MYCT1: variants seen among roughly 807,000 people sequenced by gnomAD.
MYCT1 encodes the protein myc target protein 1.
Under a neutral mutation model 15.0 loss-of-function variants are expected in MYCT1, and 12 were observed. That is an observed-to-expected ratio of 0.80 (90% CI 0.51 to 1.29). MYCT1 has a LOEUF of 1.29. MYCT1 is among the 50% of genes most tolerant of loss of function. The pLI is 0.00. For missense variants in MYCT1, 287 were observed against 279.1 expected (o/e 1.03, Z -0.20); for synonymous variants, 104 against 102.7 (o/e 1.01, Z -0.07).
chr6:152,722,139 T>C lies in MYCT1; in HGVS notation c.594T>C (p.Thr198=). ...CCAATATCTCTCCCACCATCAGCAC[T>C]TCCCACAGTCTGAGCCGTCCTGACT... The part of the protein sequence containing the change: ...PSSNISPTIS[T]SHSLSRPDYW... The change falls in exon 2 of 2, where the codon ACT becomes ACC. Residue 198 remains threonine (T), a synonymous_variant. Coordinates refer to ENST00000367245, the MANE Select transcript of MYCT1 (RefSeq NM_025107.3). 6.2e-7 allele frequency: 1 copy of C among 1,614,130 alleles called. No homozygotes were observed. Among genetic ancestry groups the C allele is most frequent in the South Asian group, 1.1e-5 (1 of 91,076 alleles).
downstream of MYCT1, among the ~76,000 whole-genome samples, chr6:152,728,113 G>A (rs776993395): frequency 1.3e-4 from 19 of 151,240 alleles, no homozygotes; most frequent in Non-Finnish European, 2.4e-4. Context: ...GCAATGAGCC[G>A]AGATCATGCC....
At chr6:152,726,396 TA>T (rs55634200), downstream of MYCT1, among the ~76,000 whole-genome samples, 118 of 127,656 alleles carry the variant, frequency 9.2e-4, no homozygotes, top group Middle Eastern at 4.3e-3. Flanking sequence ...AAACTCTGTC[TA>T]AAAAAAAAAA....
At chr6:152,732,342 T>C in the MYCT1 span, among the ~76,000 whole-genome samples, 4 of 152,072 alleles carry the variant, frequency 2.6e-5, no homozygotes, top group African/African-American at 9.7e-5. Context: ...TAAATAATAC[T>C]AAAATAGAAC....
At chr6:152,716,696 G>A (rs372118760) in intron 1 of MYCT1, among the ~76,000 whole-genome samples, 4 of 152,178 alleles carry the variant, frequency 2.6e-5, no homozygotes, top group South Asian at 2.1e-4. Flanking sequence ...GCCAGTGTTC[G>A]TTGAGGGCTT....
rs1158561675 is a variant in MYCT1 at position 152,697,993 on chromosome 6, A to G, written c.91A>G (p.Ile31Val). 1 of 1,608,614 alleles carries G rather than the reference A, an allele frequency of 6.2e-7. No homozygotes were observed. The highest frequency in any genetic ancestry group is 2.2e-5 in the East Asian group (1 of 44,500). The part of the protein sequence containing the change: ...RDRIKLLFFD[I>V]LVFLSVFLLF... ...TAGAATCAAACTGCTTTTTTTCGAC[A>G]TACTGGTTTTTCTTTCTGTTTTTCT... Residue 31 changes from isoleucine to valine, a missense_variant, in exon 1 of 2, where the codon ATA becomes GTA. Coordinates refer to ENST00000367245, the MANE Select transcript of MYCT1 (RefSeq NM_025107.3).
chr6:152,743,282 T>A, the MYCT1 span, among the ~76,000 whole-genome samples: 4 of 152,020 alleles, frequency 2.6e-5, no homozygotes, highest in Non-Finnish European at 5.9e-5. Flanking sequence ...GTCAGGCTGG[T>A]TTTGAACTCC....
chr6:152,733,638 A>G, the MYCT1 span, among the ~76,000 whole-genome samples: 1 of 152,198 alleles, frequency 6.6e-6, no homozygotes, highest in South Asian at 2.1e-4. Context: ...CTGCTGAGGC[A>G]TGGAGCTTTT....
downstream of MYCT1, among the ~76,000 whole-genome samples, chr6:152,727,035 C>T (rs1468390473): frequency 1.3e-5 from 2 of 151,958 alleles, no homozygotes; most frequent in Non-Finnish European, 2.9e-5. Flanking sequence ...GATGGTGAAA[C>T]CTTGTCTCTA....
intron 1 of MYCT1, among the ~76,000 whole-genome samples, chr6:152,712,883 G>A (rs1025443492): frequency 1.3e-5 from 2 of 150,374 alleles, no homozygotes; most frequent in Non-Finnish European, 2.9e-5. Context: ...ACTATGACGT[G>A]CATAGTTCTT....
the MYCT1 span, among the ~76,000 whole-genome samples, chr6:152,734,168 G>C: frequency 6.6e-6 from 1 of 152,050 alleles, no homozygotes; most frequent in African/African-American, 2.4e-5. Context: ...GCTTTTAAGA[G>C]CATACTCTTC....
the MYCT1 span, among the ~76,000 whole-genome samples, chr6:152,746,417 G>A: frequency 4.6e-5 from 7 of 152,182 alleles, no homozygotes; most frequent in Non-Finnish European, 8.8e-5. Context: ...GGCTGGACTG[G>A]GCAGGATGGC....
At chr6:152,732,069 G>A in the MYCT1 span, among the ~76,000 whole-genome samples, 1 of 152,294 alleles carries the variant, frequency 6.6e-6, no homozygotes, top group East Asian at 1.9e-4. Context: ...TTTTAAGATA[G>A]TTTATACCCA....
At chr6:152,706,797 A>G (rs1464449021) in intron 1 of MYCT1, among the ~76,000 whole-genome samples, 1 of 152,010 alleles carries the variant, frequency 6.6e-6, no homozygotes, top group Non-Finnish European at 1.5e-5. Flanking sequence ...CAACCTCATC[A>G]TAAGTCTAAG....
At chr6:152,703,737 T>C (rs923643889) in intron 1 of MYCT1, among the ~76,000 whole-genome samples, 3 of 152,026 alleles carry the variant, frequency 2.0e-5, no homozygotes, top group Non-Finnish European at 4.4e-5. Context: ...CCAATCAAGA[T>C]ACATAATCAC....
In MYCT1 at chr6:152,709,353, A is replaced by T. The variant is rs1258564894; in HGVS notation, c.196+11255A>T. ...ATGTGTCTTTATAGCAGCATGATTTATACTCATTTGGGTATATACCCAGTA... is the reference window on the plus strand; with the variant it reads ...ATGTGTCTTTATAGCAGCATGATTTTTACTCATTTGGGTATATACCCAGTA... On this transcript the variant is annotated intron_variant, in intron 1 of 1. Transcript: ENST00000367245. 8.0e-5 allele frequency among the ~76,000 whole-genome samples: 2 copies of T among 25,154 alleles called. 1 individual carries two copies. The highest frequency in any genetic ancestry group is 1.7e-4 in the Non-Finnish European group (2 of 12,018). The allele number at this position is 25,154 out of a possible 152,430, so 16.5% of individuals were successfully genotyped here.
intron 1 of MYCT1, among the ~76,000 whole-genome samples, chr6:152,702,394 T>C (rs1285284326): frequency 6.6e-6 from 1 of 152,220 alleles, no homozygotes; most frequent in Non-Finnish European, 1.5e-5. Context: ...TTATTCTATA[T>C]GTTTAAAAAA....
chr6:152,699,291 G>T (rs2099720937), intron 1 of MYCT1, among the ~76,000 whole-genome samples: 1 of 151,750 alleles, frequency 6.6e-6, no homozygotes, highest in African/African-American at 2.4e-5. Flanking sequence ...GGTTTTAAAA[G>T]ATATTAAAAT....
chr6:152,739,571 C>T, the MYCT1 span, among the ~76,000 whole-genome samples: 14 of 152,040 alleles, frequency 9.2e-5, no homozygotes, highest in East Asian at 2.3e-3. Context: ...TATGATGGAA[C>T]ATTTAACTAT....
rs758423118 is a variant in MYCT1 at position 152,700,564 on chromosome 6, G to A, written c.196+2466G>A. On this transcript the variant is annotated intron_variant, in intron 1 of 1. Transcript: ENST00000367245. ...AGGTGTGCAAGCATTTAAGTGCAAG[G>A]GTTGGCAACAAAGTTAGCCTGAAAG... is the stretch of plus-strand genomic sequence containing the variant. Among the ~76,000 whole-genome samples, 5 of 152,048 alleles carry A rather than the reference G, an allele frequency of 3.3e-5. No individual in the cohort carries two copies. The South Asian group carries it at 1.0e-3, about 31-fold the overall frequency.
Sources: allele counts gnomAD v4.1 joint callset (sites outside exome capture counted in the v4.1 genomes callset), GRCh38; gene constraint gnomAD v4.1.1; transcripts MANE v1.5; gene names NCBI Gene and HGNC (gene_info 2026-07-23, HGNC 2026-07-21).